LGR6: variants seen among roughly 807,000 people sequenced by gnomAD.
LGR6 encodes leucine rich repeat containing G protein-coupled receptor 6, also known as leucine-rich repeat-containing G protein-coupled receptor 6.
In LGR6, 45 loss-of-function variants were observed where a neutral mutation model predicts 69.4. The observed-to-expected ratio is 0.65, with a 90% confidence interval of 0.51 to 0.83. LGR6 has a LOEUF of 0.83. Among genes scored for constraint, LGR6 ranks in the 40% least tolerant of loss-of-function variants. The pLI, the probability that LGR6 is intolerant of heterozygous loss-of-function variation, is 0.00. For missense variants in LGR6, 1,108 were observed against 1,246.7 expected, an observed-to-expected ratio of 0.89 and a Z score of 1.68; for synonymous variants, 538 against 555.0, an observed-to-expected ratio of 0.97 and a Z score of 0.43.
chr1:202,203,796 A>C (rs889925222), intron 1 of LGR6: 1 of 1,613,822 alleles, frequency 6.2e-7, no homozygotes, highest in Middle Eastern at 1.7e-4. Flanking sequence ...GTTGTGGTGC[A>C]AAGGAAAACC....
At chr1:202,232,137 A>G (rs1170245363) in intron 3 of LGR6, among the ~76,000 whole-genome samples, 1 of 151,926 alleles carries the variant, frequency 6.6e-6, no homozygotes, top group East Asian at 1.9e-4. Flanking sequence ...AGACCTCCCA[A>G]TACATAAAAC....
At chr1:202,213,834 A>G (rs532745332) in intron 1 of LGR6, among the ~76,000 whole-genome samples, 17 of 152,354 alleles carry the variant, frequency 1.1e-4, no homozygotes, top group African/African-American at 4.1e-4. Flanking sequence ...AAACTCTGGC[A>G]GTCTGACCCC....
Position 202,299,202 on chromosome 1 carries a change from A to G in LGR6, c.785+1626A>G, listed in dbSNP as rs185378969. ...TTGTACCCAGGTGGCAGAGATTGCA[A>G]TGAGCGGAGATTGTACCACTGTACT... is the stretch of plus-strand genomic sequence containing the variant. On this transcript the variant is annotated intron_variant, in intron 7 of 17. Transcript: ENST00000367278. Among the ~76,000 whole-genome samples, 4 of 150,774 alleles carry G rather than the reference A, an allele frequency of 2.7e-5. No individual in the cohort carries two copies. The East Asian group carries it at 7.9e-4, about 30-fold the overall frequency.
chr1:202,318,875 G>C lies in LGR6; in HGVS notation c.2572G>C (p.Glu858Gln). The C allele has an allele frequency of 6.2e-7, 1 of 1,613,972 alleles. No individual in the cohort carries two copies. The highest frequency in any genetic ancestry group is 8.5e-7 in the Non-Finnish European group (1 of 1,179,946). The change falls in exon 18 of 18, where the codon GAG becomes CAG. Residue 858 changes from glutamate to glutamine, a missense_variant. Physicochemically the swap from Glu to Gln is conservative, Grantham distance 29. Transcript: ENST00000367278. ...SGPLAYAAAGELEKSSCDSTQ... is the reference protein window; with the variant it reads ...SGPLAYAAAGQLEKSSCDSTQ... The stretch of plus-strand genomic sequence containing the variant: ...GCCCCTAGCCTATGCTGCGGCCGGG[G>C]AGCTGGAGAAGAGCTCCTGTGATTC...
At chr1:202,209,662 G>A (rs1250841149) in intron 1 of LGR6, among the ~76,000 whole-genome samples, 1 of 152,222 alleles carries the variant, frequency 6.6e-6, no homozygotes, top group African/African-American at 2.4e-5. Context: ...GCTTAAAGGA[G>A]GTTTATTCTA....
intron 7 of LGR6, among the ~76,000 whole-genome samples, chr1:202,299,081 G>A (rs1481149506): frequency 6.6e-6 from 1 of 151,610 alleles, no homozygotes; most frequent in East Asian, 2.0e-4. Context: ...ACAACATGGT[G>A]AAACCCCATC....
chr1:202,196,430 G>C (rs540581465), intron 1 of LGR6, among the ~76,000 whole-genome samples: 1 of 152,184 alleles, frequency 6.6e-6, no homozygotes, highest in Non-Finnish European at 1.5e-5. Context: ...GAGATGTCCA[G>C]CTTGGCCCTG....
chr1:202,286,427 T>G (rs1666397635), intron 6 of LGR6, among the ~76,000 whole-genome samples: 1 of 152,346 alleles, frequency 6.6e-6, no homozygotes, highest in Non-Finnish European at 1.5e-5. Flanking sequence ...CATATCTTAT[T>G]TATCCCCCAA....
intron 6 of LGR6, among the ~76,000 whole-genome samples, chr1:202,289,358 CT>C (rs1666627660): frequency 6.6e-6 from 1 of 152,168 alleles, no homozygotes. Context: ...GATGATTCCT[CT>C]TTGGGGGCAG....
At chr1:202,263,338 G>C (rs988791469) in intron 4 of LGR6, among the ~76,000 whole-genome samples, 1 of 152,058 alleles carries the variant, frequency 6.6e-6, no homozygotes, top group Non-Finnish European at 1.5e-5. Context: ...TGGCCAGGCT[G>C]GTCTCGAACT....
chr1:202,238,415 T>C (rs948817318), intron 4 of LGR6, among the ~76,000 whole-genome samples: 1 of 32,472 alleles, frequency 3.1e-5, no homozygotes, highest in Non-Finnish European at 6.8e-5. Flanking sequence ...CCTGATCCTT[T>C]TTTTTTTTTT....
intron 1 of LGR6, among the ~76,000 whole-genome samples, chr1:202,214,460 G>A (rs1176648337): frequency 6.6e-6 from 1 of 151,806 alleles, no homozygotes; most frequent in Admixed American, 6.6e-5. Flanking sequence ...GGCCAGGCGG[G>A]CTGGGGTGGG....
In LGR6 at chr1:202,319,217, C is replaced by T; in HGVS notation, c.*10C>T. 1 of 1,565,112 alleles carries T rather than the reference C, an allele frequency of 6.4e-7. No homozygotes were observed. Among genetic ancestry groups the T allele is most frequent in the Non-Finnish European group, 8.6e-7 (1 of 1,156,204 alleles). ...TGCTTCACACGTGTAAATATCCCTCCCCATTCTTCTCTTCCCCTCTCTTCC... is the reference window on the plus strand; with the variant it reads ...TGCTTCACACGTGTAAATATCCCTCTCCATTCTTCTCTTCCCCTCTCTTCC... On this transcript the variant is annotated 3_prime_UTR_variant, in exon 18 of 18. Transcript: ENST00000367278.
chr1:202,216,329 A>G (rs538685371), intron 1 of LGR6, among the ~76,000 whole-genome samples: 93 of 152,316 alleles, frequency 6.1e-4, no homozygotes, highest in African/African-American at 2.1e-3. Context: ...AGGTGAAGTA[A>G]TTATCCAAAA....
At chr1:202,253,237 T>C (rs1052256572) in intron 4 of LGR6, among the ~76,000 whole-genome samples, 1 of 152,144 alleles carries the variant, frequency 6.6e-6, no homozygotes, top group Non-Finnish European at 1.5e-5. Flanking sequence ...ACTCATGAGA[T>C]GACGTATAGG....
chr1:202,311,556 A>T (rs1279943230), intron 16 of LGR6, among the ~76,000 whole-genome samples: 1 of 152,218 alleles, frequency 6.6e-6, no homozygotes, highest in Non-Finnish European at 1.5e-5. Flanking sequence ...GCTACTTGGG[A>T]GGCTGAGACA....
intron 6 of LGR6, 47 bp from the exon 7 acceptor site, chr1:202,297,461 G>A: frequency 6.7e-7 from 1 of 1,484,164 alleles, no homozygotes; most frequent in Non-Finnish European, 9.3e-7. Flanking sequence ...ACCCTGACAT[G>A]CCCCATTAAG....
intron 1 of LGR6, among the ~76,000 whole-genome samples, chr1:202,224,577 G>A (rs745389242): frequency 7.2e-5 from 11 of 152,168 alleles, no homozygotes; most frequent in South Asian, 2.1e-4. Context: ...GGATGGTTTC[G>A]GGATGAAACT....
Position 202,318,830 on chromosome 1 carries a change from C to T in LGR6, c.2527C>T (p.Pro843Ser), listed in dbSNP as rs1654392566. ...HFRDDLRRLR[P>S]RAGDSGPLAY... Reference sequence around the variant, plus strand: ...CCGGGATGACCTTCGGCGGCTTCGGCCCCGCGCAGGGGACTCAGGGCCCCT... The same window carrying T: ...CCGGGATGACCTTCGGCGGCTTCGGTCCCGCGCAGGGGACTCAGGGCCCCT... The change falls in exon 18 of 18, where the codon CCC (proline) becomes TCC (serine). Residue 843 changes from proline to serine, a missense_variant. Coordinates refer to ENST00000367278, the MANE Select transcript of LGR6 (RefSeq NM_001017403.2). 2.5e-6 allele frequency: 4 copies of T among 1,613,036 alleles called. No homozygotes were observed. Among genetic ancestry groups the T allele is most frequent in the Non-Finnish European group, 3.4e-6 (4 of 1,179,658 alleles).
Sources: gnomAD v4.1 joint callset for allele counts (sites outside exome capture counted in the v4.1 genomes callset) on GRCh38, gnomAD v4.1.1 for gene constraint, MANE v1.5 for transcripts, NCBI Gene and HGNC (gene_info 2026-07-23, HGNC 2026-07-21) for gene names.